The following PCMTD2 variants were observed in gnomAD, a reference collection of about 807,000 sequenced individuals.
The protein encoded by PCMTD2 is protein-L-isoaspartate (D-aspartate) O-methyltransferase domain containing 2, also known as protein-L-isoaspartate O-methyltransferase domain-containing protein 2.
A neutral mutation model predicts 33.4 loss-of-function variants in PCMTD2; 16 were observed. The observed-to-expected ratio is 0.48, with a 90% CI of 0.32 to 0.73. The LOEUF is 0.73. PCMTD2 is among the 30% of genes least tolerant of loss of function. The pLI, the probability that PCMTD2 is intolerant of heterozygous loss-of-function variation, is 0.03. For synonymous variants in PCMTD2, 161 were observed against 160.8 expected, an observed-to-expected ratio of 1.00 and a Z score of -0.01; for missense variants, 374 against 449.9, an observed-to-expected ratio of 0.83 and a Z score of 1.53.
chr20:64,257,944 C>T (rs1265312211), intron 1 of PCMTD2, among the ~76,000 whole-genome samples: 3 of 152,172 alleles, frequency 2.0e-5, no homozygotes, highest in Non-Finnish European at 4.4e-5. Context: ...CAGGTGGTAC[C>T]TGGAAAAAGG....
rs946608892 is a variant in PCMTD2, at chr20:64,268,967, C to T, written c.706+957C>T. On this transcript the variant is annotated intron_variant, in intron 5 of 5. Coordinates refer to ENST00000308824, the MANE Select transcript of PCMTD2 (RefSeq NM_018257.3). Reference sequence around the variant, plus strand: ...GATGTCTGTGCTTGGCCTTCAAGGGCAAAAAGGAGTTCCCTAAAGAGAGAA... The same window carrying T: ...GATGTCTGTGCTTGGCCTTCAAGGGTAAAAAGGAGTTCCCTAAAGAGAGAA... Among the ~76,000 whole-genome samples the T allele has an allele frequency of 2.0e-5, 3 of 151,948 alleles. No individual in the cohort carries two copies. In the South Asian group the frequency reaches 6.2e-4, roughly 32 times the overall value.
rs1298524556 is a variant in PCMTD2 at position 64,275,729 on chromosome 20, G to A, written c.*2129G>A. The A allele has an allele frequency of 6.6e-6, 1 of 152,160 alleles. No individual in the cohort carries two copies. Among genetic ancestry groups the A allele is most frequent in the Non-Finnish European group, 1.5e-5 (1 of 68,030 alleles). The allele number at this position is 152,160 out of a possible 1,614,324, so 9.4% of individuals were successfully genotyped here. ...TTTCAAACAGATAAATCATAATATA[G>A]TCTGTATTATCTGTAAGATCTGTCT... On this transcript the variant is annotated 3_prime_UTR_variant, in exon 6 of 6. Coordinates refer to ENST00000308824, the MANE Select transcript of PCMTD2 (RefSeq NM_018257.3).
chr20:64,263,357 G>C (rs1013868767), intron 2 of PCMTD2, among the ~76,000 whole-genome samples: 1 of 152,146 alleles, frequency 6.6e-6, no homozygotes. Flanking sequence ...TGTCCAAATG[G>C]GGGCCAGGGA....
At position 64,273,218 on chromosome 20, in the gene PCMTD2, C is replaced by T; in HGVS notation, c.707-3C>T. On this transcript the variant is annotated splice_polypyrimidine_tract_variant and splice_region_variant and intron_variant, in intron 5 of 5. Coordinates refer to ENST00000308824, the MANE Select transcript of PCMTD2 (RefSeq NM_018257.3). ...GACTGTGTCTCACTCTTCTGTGCTG[C>T]AGCACCAGTGGCAGTTCGCAGCCTC... is the stretch of plus-strand genomic sequence containing the variant. 2 of 1,611,202 alleles carry T rather than the reference C, an allele frequency of 1.2e-6. No individual in the cohort carries two copies. Among genetic ancestry groups the T allele is most frequent in the Non-Finnish European group, 8.5e-7 (1 of 1,178,342 alleles).
chr20:64,260,345 G>A (rs1178718601), intron 2 of PCMTD2, 73 bp downstream of exon 2: 31 of 1,065,094 alleles, frequency 2.9e-5, no homozygotes, highest in South Asian at 4.2e-5. Flanking sequence ...AGAAAATGTA[G>A]TCTGCTAATG....
intron 1 of PCMTD2, chr20:64,256,943 AT>A (rs1179586951): frequency 6.6e-6 from 1 of 152,236 alleles, no homozygotes; most frequent in Non-Finnish European, 1.5e-5. Flanking sequence ...GTGGGGTCGC[AT>A]CCCAGTAAAC....
At chr20:64,259,729 ATTG>A in intron 1 of PCMTD2, 1 of 546,752 alleles carries the variant, frequency 1.8e-6, no homozygotes. Flanking sequence ...AACTTTTAGT[ATTG>A]TTGTTTACCT....
intron 5 of PCMTD2, among the ~76,000 whole-genome samples, chr20:64,270,237 C>T (rs1297766582): frequency 4.1e-5 from 5 of 121,602 alleles, no homozygotes; most frequent in Non-Finnish European, 8.6e-5. Context: ...TGTGAGTGCA[C>T]GGTGTGGGGT....
At chr20:64,265,483 C>A (rs1489277972) in intron 4 of PCMTD2, 54 bp downstream of exon 4, 2 of 1,384,706 alleles carry the variant, frequency 1.4e-6, no homozygotes, top group Non-Finnish European at 2.0e-6. Flanking sequence ...AAGGTCTGTT[C>A]TGGGCAGTGT....
intron 3 of PCMTD2, among the ~76,000 whole-genome samples, chr20:64,264,945 T>C (rs1304340023): frequency 6.6e-6 from 1 of 152,234 alleles, no homozygotes; most frequent in Non-Finnish European, 1.5e-5. Context: ...CATTGTGTAG[T>C]ATTAATAGAT....
intron 5 of PCMTD2, chr20:64,272,190 AGT>A (rs1240271639): frequency 2.7e-6 from 1 of 364,342 alleles, no homozygotes; most frequent in Non-Finnish European, 5.6e-6. Context: ...TCTGAAGAAC[AGT>A]GGAGATGCTG....
rs772040163 is a variant in PCMTD2 at position 64,273,406 on chromosome 20, T to C, written c.892T>C (p.Phe298Leu). The C allele has an allele frequency of 6.2e-7, 1 of 1,614,108 alleles. No individual in the cohort carries two copies. Among genetic ancestry groups the C allele is most frequent in the Non-Finnish European group, 8.5e-7 (1 of 1,179,966 alleles). The change falls in exon 6 of 6, where the codon TTT (phenylalanine) becomes CTT (leucine). Residue 298 changes from phenylalanine (F) to leucine (L), a missense_variant. Phe to Leu is a conservative substitution (Grantham distance 22). Coordinates refer to ENST00000308824, the MANE Select transcript of PCMTD2 (RefSeq NM_018257.3). ...GATTGTCTTTTTGGACAAAGAAGTC[T>C]TTGCCAGTCGGATTTCCAACCCCTC... ...ETIVFLDKEVFASRISNPSDD... is the reference protein window; with the variant it reads ...ETIVFLDKEVLASRISNPSDD...
Position 64,273,321 on chromosome 20 carries a change from C to T in PCMTD2, c.807C>T (p.Asn269=), listed in dbSNP as rs1483556721. The T allele has an allele frequency of 9.9e-6, 16 of 1,614,100 alleles. No individual in the cohort carries two copies. Among genetic ancestry groups the T allele is most frequent in the Middle Eastern group, 3.3e-4 (2 of 6,062 alleles). Residue 269 remains asparagine (N), a synonymous_variant, in exon 6 of 6, where the codon AAC becomes AAT. Transcript: ENST00000308824. ...AGGAAACTGTGAGCAAAAACGGAAA[C>T]GGACTAAAGAACACCCCCAGGTTTA... ...IHQETVSKNG[N]GLKNTPRFKR... is the part of the protein sequence containing the mutation.
chr20:64,269,780 TGTG>T lies in PCMTD2; in HGVS notation c.706+1771_706+1773del, dbSNP rs563366269. Reference sequence around the variant, plus strand: ...TGTGGACATTTGCAGTGTGGGGTAATGTGTGTGTGGGTGTGCGCGGTGTGGGGT... The same window carrying T: ...TGTGGACATTTGCAGTGTGGGGTAATTGTGTGGGTGTGCGCGGTGTGGGGT... On this transcript the variant is annotated intron_variant, in intron 5 of 5. Coordinates refer to ENST00000308824, the MANE Select transcript of PCMTD2 (RefSeq NM_018257.3). Among the ~76,000 whole-genome samples the T allele has an allele frequency of 6.8e-5, 10 of 147,822 alleles. No homozygotes were observed. In the South Asian group the frequency reaches 8.7e-4, roughly 13 times the overall value.
rs1367056375 is a variant in PCMTD2, at chr20:64,275,828, G to A, written c.*2228G>A. 1 of 152,172 alleles carries A rather than the reference G, an allele frequency of 6.6e-6. No homozygotes were observed. Among genetic ancestry groups the A allele is most frequent in the Non-Finnish European group, 1.5e-5 (1 of 68,032 alleles). The allele number at this position is 152,172 out of a possible 1,614,324, so 9.4% of individuals were successfully genotyped here. A position where few individuals can be genotyped will look rare whatever the true frequency, so the allele number is the denominator to read the frequency against. ...TAATATGTGACTTTTGTCTTGAAAAGTAGTAAAGCCATAGACTTGTGCAAA... is the reference window on the plus strand; with the variant it reads ...TAATATGTGACTTTTGTCTTGAAAAATAGTAAAGCCATAGACTTGTGCAAA... On this transcript the variant is annotated 3_prime_UTR_variant, in exon 6 of 6. Coordinates refer to ENST00000308824, the MANE Select transcript of PCMTD2 (RefSeq NM_018257.3).
Position 64,275,643 on chromosome 20 carries a change from T to A in PCMTD2, c.*2043T>A, listed in dbSNP as rs1433130725. The A allele has an allele frequency of 6.6e-6, 1 of 152,154 alleles. No individual in the cohort carries two copies. The highest frequency in any genetic ancestry group is 1.9e-4 in the East Asian group (1 of 5,202). 9.4% of individuals were successfully genotyped at this position (152,154 alleles called of 1,614,324 possible). A position where few individuals can be genotyped will look rare whatever the true frequency, so the allele number is the denominator to read the frequency against. On this transcript the variant is annotated 3_prime_UTR_variant, in exon 6 of 6. Coordinates refer to ENST00000308824, the MANE Select transcript of PCMTD2 (RefSeq NM_018257.3). ...GTGTTTACCTTATGAAAATAAAGGA[T>A]TGTAAGTAAAGTTTCCTGCGCACCT...
Position 64,260,147 on chromosome 20 carries a change from T to G in PCMTD2, c.182T>G (p.Ile61Ser). 2.5e-6 allele frequency: 4 copies of G among 1,613,408 alleles called. No homozygotes were observed. The South Asian group carries it at 4.4e-5, about 18-fold the overall frequency. Residue 61 changes from isoleucine (I) to serine (S), a missense_variant, in exon 2 of 6, where the codon ATT (isoleucine) becomes AGT (serine). Ile to Ser is a moderately radical substitution (Grantham distance 142). Transcript: ENST00000308824. Reference sequence around the variant, plus strand: ...GACTTGGCATGGAAGCATGGAAACATTCACCTCTCAGCCCCGTGCATCTAC... The same window carrying G: ...GACTTGGCATGGAAGCATGGAAACAGTCACCTCTCAGCCCCGTGCATCTAC... ...YKDLAWKHGN[I>S]HLSAPCIYSE...
At position 64,259,992 on chromosome 20, in the gene PCMTD2, AG is replaced by A; in HGVS notation, c.28del (p.Asp10ThrfsTer5). 6.2e-7 allele frequency: 1 copy of A among 1,612,872 alleles called. No individual in the cohort carries two copies. MGGAVSAGE[D>X]NDELIDNLKE... Reference sequence around the variant, plus strand: ...TGGGCGGTGCTGTGAGTGCTGGTGAAGACAATGATGAGCTGATAGATAATTT... The same window carrying A: ...TGGGCGGTGCTGTGAGTGCTGGTGAAACAATGATGAGCTGATAGATAATTT... On this transcript the variant is annotated frameshift_variant, in exon 2 of 6. Coordinates refer to ENST00000308824, the MANE Select transcript of PCMTD2 (RefSeq NM_018257.3). LOFTEE classifies it high-confidence loss of function.
At chr20:64,264,335 G>T in intron 2 of PCMTD2, 94 bp from the exon 3 acceptor site, 1 of 697,174 alleles carries the variant, frequency 1.4e-6, no homozygotes, top group Non-Finnish European at 2.6e-6. Flanking sequence ...AGTTACACAT[G>T]TTAAGTCAGA....
Sources: gnomAD v4.1 joint callset for allele counts (sites outside exome capture counted in the v4.1 genomes callset) on GRCh38, gnomAD v4.1.1 for gene constraint, MANE v1.5 for transcripts, NCBI Gene and HGNC (gene_info 2026-07-23, HGNC 2026-07-21) for gene names.